Variants in SLC7A8 observed in about 807,000 individuals in gnomAD.
The protein encoded by SLC7A8 is solute carrier family 7 member 8, also known as large neutral amino acids transporter small subunit 2.
Under a neutral mutation model 51.2 loss-of-function variants are expected in SLC7A8, and 30 were observed. The observed-to-expected ratio is 0.59, with a 90% CI of 0.44 to 0.80. SLC7A8 has a LOEUF of 0.80. SLC7A8 is among the 30% of genes least tolerant of loss of function. The pLI is 0.00. For missense variants in SLC7A8, 612 were observed against 674.4 expected (o/e 0.91, Z 1.03); for synonymous variants, 257 against 275.8 (o/e 0.93, Z 0.67).
At chr14:23,152,052 AAAAAC>A (rs578246144) in intron 3 of SLC7A8, among the ~76,000 whole-genome samples, 5 of 152,206 alleles carry the variant, frequency 3.3e-5, no homozygotes, top group Non-Finnish European at 5.9e-5. Context: ...AAAACAAAAC[AAAAAC>A]AAAACAAAAC....
chr14:23,169,862 T>C (rs915240620), intron 1 of SLC7A8, among the ~76,000 whole-genome samples: 2 of 152,328 alleles, frequency 1.3e-5, no homozygotes, highest in East Asian at 3.9e-4. Context: ...GAGTTTGTTG[T>C]AGCTGGACCG....
At chr14:23,166,112 C>G (rs1477454998) in intron 2 of SLC7A8, among the ~76,000 whole-genome samples, 1 of 152,006 alleles carries the variant, frequency 6.6e-6, no homozygotes, top group Non-Finnish European at 1.5e-5. Context: ...ACATAGAGGT[C>G]AAAACTACAA....
chr14:23,154,650 C>T (rs1160453119), intron 3 of SLC7A8, among the ~76,000 whole-genome samples: 1 of 152,180 alleles, frequency 6.6e-6, no homozygotes. Context: ...GCCTGTTTGA[C>T]CTCTAACGCA....
In SLC7A8 at chr14:23,166,557, G is replaced by C. The variant is rs1303442785; in HGVS notation, c.152-17C>G. ...TGATGTTCCCTGCATGAGGCACCAA[G>C]GGTAAGGAGGGGAGACAGTAGAGAC... On this transcript the variant is annotated splice_polypyrimidine_tract_variant and intron_variant, in intron 1 of 10. Transcript: ENST00000316902. The C allele has an allele frequency of 6.2e-7, 1 of 1,613,490 alleles. No individual in the cohort carries two copies. Among genetic ancestry groups the C allele is most frequent in the South Asian group, 1.1e-5 (1 of 91,054 alleles).
At position 23,140,505 on chromosome 14, in the gene SLC7A8, T is replaced by G; in HGVS notation, c.754A>C (p.Asn252His). 1 of 1,613,666 alleles carries G rather than the reference T, an allele frequency of 6.2e-7. No homozygotes were observed. Among genetic ancestry groups the G allele is most frequent in the Non-Finnish European group, 8.5e-7 (1 of 1,179,618 alleles). The change falls in exon 5 of 11, where the codon AAT becomes CAT. Residue 252 changes from asparagine (N) to histidine (H), a missense_variant. By Grantham distance (68) the Asn-to-His change is moderately conservative. Coordinates refer to ENST00000316902, the MANE Select transcript of SLC7A8 (RefSeq NM_012244.4). The part of the protein sequence containing the change: ...SFAYGGWNFL[N>H]YVTEELVDPY... ...TCAACAAGCTCCTCAGTCACGTAAT[T>G]CAGAAAGTTCCAGCCTCCATAGGCA...
At chr14:23,161,077 A>G (rs941378314) in intron 3 of SLC7A8, among the ~76,000 whole-genome samples, 2 of 151,956 alleles carry the variant, frequency 1.3e-5, no homozygotes, top group African/African-American at 4.8e-5. Context: ...CTGCAGTTGC[A>G]TAAGTGTGAT....
chr14:23,178,748 TA>T (rs532529757), intron 1 of SLC7A8, among the ~76,000 whole-genome samples: 3 of 149,276 alleles, frequency 2.0e-5, no homozygotes, highest in African/African-American at 2.6e-5. Flanking sequence ...ACCCTGTCTC[TA>T]AAAAAAATTA....
At chr14:23,169,580 TA>T (rs1482544982) in intron 1 of SLC7A8, among the ~76,000 whole-genome samples, 1 of 152,016 alleles carries the variant, frequency 6.6e-6, no homozygotes, top group African/African-American at 2.4e-5. Flanking sequence ...CTGATTTTTG[TA>T]TTTTTAGTAG....
chr14:23,172,238 A>G (rs1056541935), intron 1 of SLC7A8, among the ~76,000 whole-genome samples: 2 of 152,220 alleles, frequency 1.3e-5, no homozygotes, highest in South Asian at 2.1e-4. Flanking sequence ...GAAGAATTCA[A>G]TGGACTTGCT....
intron 3 of SLC7A8, among the ~76,000 whole-genome samples, chr14:23,156,728 C>T (rs2048895368): frequency 6.6e-6 from 1 of 152,212 alleles, no homozygotes; most frequent in Non-Finnish European, 1.5e-5. Flanking sequence ...GGAAGCTGAA[C>T]TCCAAAACAG....
At chr14:23,145,986 A>T (rs1157884970) in intron 3 of SLC7A8, among the ~76,000 whole-genome samples, 1 of 152,330 alleles carries the variant, frequency 6.6e-6, no homozygotes, top group East Asian at 1.9e-4. Context: ...ATAAATACAC[A>T]TTTGGTTTGT....
intron 1 of SLC7A8, among the ~76,000 whole-genome samples, chr14:23,180,175 G>A (rs1454216659): frequency 6.6e-6 from 1 of 152,086 alleles, no homozygotes; most frequent in Non-Finnish European, 1.5e-5. Flanking sequence ...CAAAGTGCTG[G>A]GATTACAGGT....
intron 1 of SLC7A8, among the ~76,000 whole-genome samples, chr14:23,169,605 C>T (rs1025970249): frequency 6.6e-6 from 1 of 152,082 alleles, no homozygotes; most frequent in East Asian, 1.9e-4. Flanking sequence ...TGGGGTTTCA[C>T]CATGTTGGCC....
At chr14:23,140,095 T>C (rs1383460681) in intron 5 of SLC7A8, among the ~76,000 whole-genome samples, 1 of 152,166 alleles carries the variant, frequency 6.6e-6, no homozygotes, top group Admixed American at 6.5e-5. Context: ...CACCTGTTGA[T>C]CTTGACCTGA....
intron 3 of SLC7A8, among the ~76,000 whole-genome samples, chr14:23,161,858 C>CGGAG (rs1448366967): frequency 7.3e-6 from 1 of 137,280 alleles, no homozygotes; most frequent in Non-Finnish European, 1.5e-5. Context: ...ACCCGGGAGG[C>CGGAG]GGAGGTTGCA....
chr14:23,135,545 A>G (rs1363485131), intron 7 of SLC7A8, among the ~76,000 whole-genome samples: 1 of 151,864 alleles, frequency 6.6e-6, no homozygotes, highest in Non-Finnish European at 1.5e-5. Flanking sequence ...TACTAAAAAT[A>G]CAACAAATTA....
At chr14:23,142,025 T>G (rs956040009) in intron 4 of SLC7A8, among the ~76,000 whole-genome samples, 2 of 152,252 alleles carry the variant, frequency 1.3e-5, no homozygotes, top group African/African-American at 4.8e-5. Flanking sequence ...TTTGACAAGA[T>G]AGCGCAGTGA....
At chr14:23,162,481 G>C (rs556181306) in intron 3 of SLC7A8, among the ~76,000 whole-genome samples, 21 of 152,242 alleles carry the variant, frequency 1.4e-4, no homozygotes, top group Non-Finnish European at 2.8e-4. Context: ...GTTCTGCTGA[G>C]AAGGCAGAGG....
intron 4 of SLC7A8, among the ~76,000 whole-genome samples, chr14:23,140,840 G>C (rs1172191837): frequency 2.0e-5 from 3 of 152,230 alleles, no homozygotes; most frequent in Non-Finnish European, 4.4e-5. Flanking sequence ...GAGTCCAAAT[G>C]AGGGTTTAAG....
Sources: allele counts gnomAD v4.1 joint callset (sites outside exome capture counted in the v4.1 genomes callset), GRCh38; gene constraint gnomAD v4.1.1; transcripts MANE v1.5; gene names NCBI Gene and HGNC (gene_info 2026-07-23, HGNC 2026-07-21).